The following SP110 variants were observed in gnomAD, a reference collection of about 807,000 sequenced individuals.
The protein encoded by SP110 is SP110 nuclear body protein.
In SP110, 62 loss-of-function variants were observed where a neutral mutation model predicts 92.7. The observed-to-expected ratio is 0.67, with a 90% CI of 0.55 to 0.83. The LOEUF (loss-of-function observed/expected upper bound fraction) is 0.83. Among genes scored for constraint, SP110 ranks in the 40% least tolerant of loss-of-function variants. The pLI, the probability that SP110 is intolerant of heterozygous loss-of-function variation, is 0.00. For synonymous variants in SP110, 273 were observed against 305.3 expected (o/e 0.89, Z 1.10); for missense variants, 793 against 863.9 (o/e 0.92, Z 1.03).
chr2:230,196,345 G>GT, intron 10 of SP110, among the ~76,000 whole-genome samples: 1 of 152,034 alleles, frequency 6.6e-6, no homozygotes, highest in Non-Finnish European at 1.5e-5. Flanking sequence ...TGAATCATAC[G>GT]TAACGTGCCA....
At chr2:230,220,913 G>A (rs1266012906), upstream of SP110, among the ~76,000 whole-genome samples, 1 of 152,142 alleles carries the variant, frequency 6.6e-6, no homozygotes, top group Non-Finnish European at 1.5e-5. Flanking sequence ...TGAGGAGGCT[G>A]AGGCTGGAGA....
At chr2:230,194,842 A>T (rs180797551) in intron 10 of SP110, among the ~76,000 whole-genome samples, 4 of 152,276 alleles carry the variant, frequency 2.6e-5, no homozygotes, top group African/African-American at 9.6e-5. Flanking sequence ...ATGATAAGAG[A>T]AAAGAAGACT....
rs2045237202 is a variant in SP110, at chr2:230,216,805, G to A, written c.123C>T (p.Ser41=). The change falls in exon 2 of 19, where the codon TCC becomes TCT. Residue 41 remains serine (S), a synonymous_variant. Transcript: ENST00000258381. ...CCATGTACATTCTCTTAGTGATGAT[G>A]GAGTTGTCTAGGAGGCCTTCAAAGA... ...FPFFEGLLDN[S]IITKRMYMES... is the part of the protein sequence containing the mutation. 5 of 1,613,932 alleles carry A rather than the reference G, an allele frequency of 3.1e-6. No homozygotes were observed. The East Asian group carries it at 1.1e-4, about 36-fold the overall frequency.
At position 230,172,936 on chromosome 2, in the gene SP110, C is replaced by G; in HGVS notation, c.1614G>C (p.Glu538Asp). 6.2e-7 allele frequency: 1 copy of G among 1,614,018 alleles called. No homozygotes were observed. Among genetic ancestry groups the G allele is most frequent in the Non-Finnish European group, 8.5e-7 (1 of 1,179,864 alleles). The change falls in exon 15 of 19, where the codon GAG (glutamate) becomes GAC (aspartate). Residue 538 changes from glutamate (E) to aspartate (D), a missense_variant. Physicochemically the swap from Glu to Asp is conservative, Grantham distance 45. Transcript: ENST00000258381. Reference protein sequence around the residue: ...LLKRKNSDECEVCCQGGQLLC... With the variant: ...LLKRKNSDECDVCCQGGQLLC... ...GAAGTTGTCCCCCTTGACAGCACAC[C>G]TCGCATTCATCCGAGTTTTTCCGCT...
chr2:230,214,154 A>C (rs2044823576), intron 3 of SP110: 1 of 152,156 alleles, frequency 6.6e-6, no homozygotes, highest in South Asian at 2.1e-4. Context: ...TCCCTGGCTG[A>C]TTTCTTCCCA....
At chr2:230,174,527 G>A (rs2041762742) in intron 14 of SP110, among the ~76,000 whole-genome samples, 3 of 152,134 alleles carry the variant, frequency 2.0e-5, no homozygotes, top group Non-Finnish European at 2.9e-5. Context: ...CACCCATGAT[G>A]GCCATGGGCT....
chr2:230,176,392 G>T, intron 14 of SP110: 2 of 1,225,838 alleles, frequency 1.6e-6, no homozygotes, highest in Non-Finnish European at 2.1e-6. Context: ...TGTTGCCTAG[G>T]CTTAGAGCAT....
chr2:230,224,982 G>A (rs942419977), upstream of SP110, among the ~76,000 whole-genome samples: 1 of 152,214 alleles, frequency 6.6e-6, no homozygotes, highest in Non-Finnish European at 1.5e-5. Context: ...TTTACAGAAT[G>A]AGGGCTGGGT....
In SP110 at chr2:230,167,273, A is replaced by AT. The variant is rs67471942; in HGVS notation, c.*1850dup. 2,229 of 129,840 alleles carry AT rather than the reference A, an allele frequency of 0.017. 57 individuals are homozygous for AT. Among genetic ancestry groups the AT allele is most frequent in the East Asian group, 0.084 (371 of 4,418 alleles). 8.0% of individuals were successfully genotyped at this position (129,840 alleles called of 1,614,324 possible). The stretch of plus-strand genomic sequence containing the variant: ...CCACCTTGCCCAGCTAATTAAAAAG[A>AT]TTTTTTTTTTTTTTTTTTTGTAGAG... On this transcript the variant is annotated 3_prime_UTR_variant, in exon 19 of 19. Coordinates refer to ENST00000258381, the MANE Select transcript of SP110 (RefSeq NM_080424.4).
intron 17 of SP110, chr2:230,171,332 T>G (rs2078434652): frequency 3.0e-6 from 1 of 336,010 alleles, no homozygotes. Flanking sequence ...CTTCAAGTGA[T>G]CTGCCCGCCT....
At chr2:230,182,671 A>G (rs1452258751) in intron 12 of SP110, among the ~76,000 whole-genome samples, 1 of 152,026 alleles carries the variant, frequency 6.6e-6, no homozygotes, top group Non-Finnish European at 1.5e-5. Context: ...GGGGTGGTTT[A>G]TGGGTGTTGG....
intron 8 of SP110, among the ~76,000 whole-genome samples, chr2:230,206,595 TTA>T (rs56817002): frequency 0.022 from 1,510 of 70,108 alleles, 27 homozygotes; most frequent in Non-Finnish European, 0.026. Flanking sequence ...GGTCCAGATT[TTA>T]TATATATATA....
At chr2:230,201,622 T>C (rs1441170452) in intron 9 of SP110, among the ~76,000 whole-genome samples, 1 of 152,212 alleles carries the variant, frequency 6.6e-6, no homozygotes, top group Non-Finnish European at 1.5e-5. Context: ...AGAGCACATA[T>C]AAAGCACTTC....
chr2:230,184,407 T>A (rs1238500418), intron 11 of SP110, among the ~76,000 whole-genome samples: 1 of 152,146 alleles, frequency 6.6e-6, no homozygotes, highest in East Asian at 1.9e-4. Context: ...TCTATTTGTT[T>A]GTCAGGACGG....
intron 2 of SP110, among the ~76,000 whole-genome samples, chr2:230,215,900 T>G (rs1215649038): frequency 6.6e-6 from 1 of 152,166 alleles, no homozygotes; most frequent in African/African-American, 2.4e-5. Context: ...CTTCATGAGA[T>G]GAGTTGGCCA....
At chr2:230,207,596 C>A (rs927302322) in intron 8 of SP110, among the ~76,000 whole-genome samples, 7 of 152,332 alleles carry the variant, frequency 4.6e-5, no homozygotes, top group African/African-American at 1.7e-4. Context: ...GGCATTACCA[C>A]TTACTTGTTC....
chr2:230,214,263 G>T, intron 3 of SP110: 1 of 152,098 alleles, frequency 6.6e-6, no homozygotes, highest in Non-Finnish European at 1.5e-5. Context: ...CTCTCTTTCT[G>T]TGGCTATGTT....
At position 230,215,094 on chromosome 2, in the gene SP110, A is replaced by C; in HGVS notation, c.172T>G (p.Leu58Val). 1 of 1,613,940 alleles carries C rather than the reference A, an allele frequency of 6.2e-7. No individual in the cohort carries two copies. The highest frequency in any genetic ancestry group is 2.2e-5 in the East Asian group (1 of 44,884). The change falls in exon 3 of 19, where the codon TTG becomes GTG. Residue 58 changes from leucine (L) to valine (V), a missense_variant. By Grantham distance (32) the Leu-to-Val change is conservative. Coordinates refer to ENST00000258381, the MANE Select transcript of SP110 (RefSeq NM_080424.4). ...TGCACCACTCTGGATACAGGGATCA[A>C]ATTTCTACAGGCTTCCAGAGATTCC... ...YMESLEACRN[L>V]IPVSRVVHNI... is the part of the protein sequence containing the mutation.
chr2:230,180,166 G>C (rs990132476), intron 12 of SP110, among the ~76,000 whole-genome samples: 2 of 152,198 alleles, frequency 1.3e-5, no homozygotes, highest in African/African-American at 4.8e-5. Context: ...TGAGGAGCCT[G>C]CTGTGAAAAG....
Sources: allele counts gnomAD v4.1 joint callset (sites outside exome capture counted in the v4.1 genomes callset), GRCh38; gene constraint gnomAD v4.1.1; transcripts MANE v1.5; gene names NCBI Gene and HGNC (gene_info 2026-07-23, HGNC 2026-07-21).